NTM: variants seen among roughly 807,000 people sequenced by gnomAD.
The protein encoded by NTM is neurotrimin.
Under a neutral mutation model 42.1 loss-of-function variants are expected in NTM, and 13 were observed. The observed-to-expected ratio is 0.31, with a 90% CI of 0.20 to 0.49. NTM has a LOEUF of 0.49. NTM is among the 20% of genes least tolerant of loss of function. The pLI is 0.99. For missense variants in NTM, 373 were observed against 452.8 expected (o/e 0.82, Z 1.60); for synonymous variants, 187 against 179.2 (o/e 1.04, Z -0.35).
chr11:131,937,792 A>G (rs967689121), intron 2 of NTM, among the ~76,000 whole-genome samples: 3 of 152,200 alleles, frequency 2.0e-5, no homozygotes, highest in African/African-American at 4.8e-5. Context: ...TGTTAGAATT[A>G]TAATAAAGGG....
At chr11:132,057,754 T>G (rs2079929504) in intron 2 of NTM, among the ~76,000 whole-genome samples, 1 of 152,200 alleles carries the variant, frequency 6.6e-6, no homozygotes. Context: ...GGGCCTAGAC[T>G]CCGCGTGTTT....
intron 1 of NTM, among the ~76,000 whole-genome samples, chr11:131,864,473 C>T (rs2136995346): frequency 1.3e-5 from 2 of 152,354 alleles, no homozygotes; most frequent in Middle Eastern, 3.4e-3. Context: ...CTCAGGCTCA[C>T]TCTCCCTCTT....
chr11:132,195,672 C>G (rs2080091483), intron 3 of NTM, among the ~76,000 whole-genome samples: 1 of 152,114 alleles, frequency 6.6e-6, no homozygotes, highest in Admixed American at 6.6e-5. Context: ...AATCATCTAA[C>G]TGTTAATAAA....
At chr11:131,985,103 T>A (rs2065862125) in intron 2 of NTM, among the ~76,000 whole-genome samples, 1 of 152,130 alleles carries the variant, frequency 6.6e-6, no homozygotes, top group South Asian at 2.1e-4. Flanking sequence ...AATAGGAGCA[T>A]CTCTTCTGAG....
chr11:131,555,484 C>T lies in NTM; in HGVS notation c.82+184596C>T, dbSNP rs116519748. Among the ~76,000 whole-genome samples, 1,021 of 152,240 alleles carry T rather than the reference C, an allele frequency of 6.7e-3. 4 individuals carry two copies. Among genetic ancestry groups the T allele is most frequent in the African/African-American group, 0.023 (949 of 41,538 alleles). On this transcript the variant is annotated intron_variant, in intron 1 of 8. Transcript: ENST00000683400. ...TTGGTGTGTATTGTAGAACAGAGCC[C>T]TCCACTGCAGGAGCATCAACTAATG...
At chr11:132,202,164 T>G (rs1285521162) in intron 3 of NTM, among the ~76,000 whole-genome samples, 2 of 152,186 alleles carry the variant, frequency 1.3e-5, no homozygotes, top group African/African-American at 4.8e-5. Flanking sequence ...TTAGAGAATC[T>G]GCAGTGTGTC....
intron 1 of NTM, among the ~76,000 whole-genome samples, chr11:131,757,654 G>T (rs1454264604): frequency 6.6e-6 from 1 of 152,148 alleles, no homozygotes; most frequent in African/African-American, 2.4e-5. Flanking sequence ...TCGTCCACTG[G>T]AGACACTGAT....
At chr11:132,061,435 G>A (rs2080656626) in intron 2 of NTM, among the ~76,000 whole-genome samples, 1 of 152,266 alleles carries the variant, frequency 6.6e-6, no homozygotes, top group South Asian at 2.1e-4. Flanking sequence ...TGTGAAGAAG[G>A]GTTGTGTTTA....
intron 4 of NTM, among the ~76,000 whole-genome samples, chr11:132,240,710 T>A (rs2090045812): frequency 6.6e-6 from 1 of 152,212 alleles, no homozygotes; most frequent in Non-Finnish European, 1.5e-5. Flanking sequence ...GGAAATTTGT[T>A]CGAAAGAACT....
intron 2 of NTM, among the ~76,000 whole-genome samples, chr11:131,927,189 C>A (rs1183672755): frequency 6.6e-6 from 1 of 152,178 alleles, no homozygotes; most frequent in Non-Finnish European, 1.5e-5. Flanking sequence ...TAAAAAATTT[C>A]TTGGATTATC....
At chr11:131,991,365 C>T (rs78235030) in intron 2 of NTM, among the ~76,000 whole-genome samples, 2,459 of 152,184 alleles carry the variant, frequency 0.016, 70 homozygotes, top group African/African-American at 0.056. Context: ...ACTTTTCTAT[C>T]CTTTTCTCCC....
intron 1 of NTM, among the ~76,000 whole-genome samples, chr11:131,376,870 C>T (rs1003860390): frequency 6.6e-6 from 1 of 152,138 alleles, no homozygotes; most frequent in African/African-American, 2.4e-5. Flanking sequence ...CGGGTTCAAT[C>T]ACATCCAAGT....
At chr11:131,412,800 C>T (rs912924250) in intron 1 of NTM, among the ~76,000 whole-genome samples, 5 of 113,666 alleles carry the variant, frequency 4.4e-5, no homozygotes, top group South Asian at 3.0e-4. Context: ...TCCCTTCTTA[C>T]GGGGCGTGTG....
At position 132,335,155 on chromosome 11, in the gene NTM, C is replaced by A. The variant is rs755434774; in HGVS notation, c.*9C>A. The A allele has an allele frequency of 5.0e-6, 8 of 1,611,370 alleles. No homozygotes were observed. Among genetic ancestry groups the A allele is most frequent in the African/African-American group, 4.0e-5 (3 of 74,868 alleles). ...TGCTTCTCAAATTTTGATGTGAGTG[C>A]CACTTCCCCACCCGGGAAAGGCTGC... On this transcript the variant is annotated 3_prime_UTR_variant, in exon 9 of 9. Transcript: ENST00000683400.
intron 1 of NTM, among the ~76,000 whole-genome samples, chr11:131,846,420 T>A (rs571779379): frequency 1.3e-5 from 2 of 152,286 alleles, no homozygotes; most frequent in East Asian, 3.9e-4. Flanking sequence ...GTTTACTCTG[T>A]TGATCTTTTC....
intron 1 of NTM, among the ~76,000 whole-genome samples, chr11:131,473,757 C>T (rs1425881700): frequency 6.6e-6 from 1 of 152,100 alleles, no homozygotes; most frequent in Non-Finnish European, 1.5e-5. Context: ...AACCACTCTC[C>T]CAGCCAAATC....
chr11:131,413,896 G>A (rs1946684300), intron 1 of NTM, among the ~76,000 whole-genome samples: 1 of 152,102 alleles, frequency 6.6e-6, no homozygotes, highest in African/African-American at 2.4e-5. Flanking sequence ...GGAGGGCAGG[G>A]GAGACCATGA....
At chr11:132,335,016 C>T (rs1356192540) in intron 8 of NTM, 30 bp from the exon 9 acceptor site, 7 of 1,602,694 alleles carry the variant, frequency 4.4e-6, no homozygotes, top group Admixed American at 1.7e-5. Context: ...TTCTCCCAGA[C>T]CACTCACGGC....
At chr11:131,596,607 G>A (rs903578786) in intron 1 of NTM, among the ~76,000 whole-genome samples, 1 of 152,216 alleles carries the variant, frequency 6.6e-6, no homozygotes, top group Non-Finnish European at 1.5e-5. Flanking sequence ...CATTCATTTA[G>A]GGTTCGGGTA....
Sources: allele counts gnomAD v4.1 joint callset (sites outside exome capture counted in the v4.1 genomes callset), GRCh38; gene constraint gnomAD v4.1.1; transcripts MANE v1.5; gene names NCBI Gene and HGNC (gene_info 2026-07-23, HGNC 2026-07-21).